Variants in PELI2 observed in about 807,000 individuals in gnomAD.
PELI2 encodes E3 ubiquitin-protein ligase pellino homolog 2.
A neutral mutation model predicts 42.3 loss-of-function variants in PELI2; 23 were observed. The ratio of observed to expected loss-of-function variants is 0.54; its 90% CI spans 0.39 to 0.77. PELI2 has a LOEUF of 0.77. Ranked by LOEUF, PELI2 falls within the 30% of genes least tolerant of loss-of-function variation. The pLI, the probability that PELI2 is intolerant of heterozygous loss-of-function variation, is 0.00. For synonymous variants in PELI2, 245 were observed against 212.2 expected (o/e 1.15, Z -1.34); for missense variants, 463 against 553.2 (o/e 0.84, Z 1.64).
chr14:56,214,205 A>G (rs1307121540), intron 2 of PELI2, among the ~76,000 whole-genome samples: 3 of 152,162 alleles, frequency 2.0e-5, no homozygotes, highest in East Asian at 1.9e-4. Context: ...ATGTCACTAC[A>G]GTATAATTCC....
intron 1 of PELI2, among the ~76,000 whole-genome samples, chr14:56,166,571 T>C (rs993796366): frequency 1.3e-5 from 2 of 152,180 alleles, no homozygotes; most frequent in East Asian, 3.8e-4. Flanking sequence ...TGATGAAATT[T>C]CTCAGCTTTT....
Position 56,118,706 on chromosome 14 carries a change from C to T in PELI2, c.46C>T (p.Pro16Ser). The change falls in exon 1 of 6, where the codon CCA (proline) becomes TCA (serine). Residue 16 changes from proline (P) to serine (S), a missense_variant. Physicochemically the swap from Pro to Ser is moderately conservative, Grantham distance 74 (BLOSUM62 -1). Around this residue, in one of 3 missense-constraint regions of PELI2, gnomAD observed 343 missense variants for 378.4 expected, o/e 0.91. Coordinates refer to ENST00000267460, the MANE Select transcript of PELI2 (RefSeq NM_021255.3). The stretch of plus-strand genomic sequence containing the variant: ...GGAACACTGCGCCCCCAATAAGGAG[C>T]CAGTGAAATACGGGGAGCTGGTGGT... ...QEEHCAPNKE[P>S]VKYGELVVLG... 6.5e-7 allele frequency: 1 copy of T among 1,529,772 alleles called. No individual in the cohort carries two copies. 94.8% of individuals were successfully genotyped at this position (1,529,772 alleles called of 1,614,324 possible).
At chr14:56,271,119 G>A (rs983873112) in intron 2 of PELI2, among the ~76,000 whole-genome samples, 6 of 152,118 alleles carry the variant, frequency 3.9e-5, no homozygotes, top group African/African-American at 7.2e-5. Flanking sequence ...GCCCATATAC[G>A]TTTGATACCC....
chr14:56,242,617 G>A (rs1421811496), intron 2 of PELI2, among the ~76,000 whole-genome samples: 1 of 152,198 alleles, frequency 6.6e-6, no homozygotes, highest in Non-Finnish European at 1.5e-5. Context: ...CCATCAGTCA[G>A]TGAGTGGATA....
intron 1 of PELI2, among the ~76,000 whole-genome samples, chr14:56,132,279 C>T (rs910861510): frequency 2.6e-5 from 4 of 152,190 alleles, no homozygotes; most frequent in African/African-American, 4.8e-5. Context: ...AAGTGTATTC[C>T]ACTTCTCAAA....
At chr14:56,268,687 C>G (rs1888993790) in intron 2 of PELI2, among the ~76,000 whole-genome samples, 1 of 152,160 alleles carries the variant, frequency 6.6e-6, no homozygotes, top group South Asian at 2.1e-4. Flanking sequence ...CATCTCTTAT[C>G]AGGTGAGTGT....
chr14:56,166,851 G>T (rs550061991), intron 1 of PELI2, among the ~76,000 whole-genome samples: 2 of 151,940 alleles, frequency 1.3e-5, no homozygotes, highest in Non-Finnish European at 2.9e-5. Context: ...GCAGTGGCAC[G>T]ATCTCAGCGC....
intron 2 of PELI2, among the ~76,000 whole-genome samples, chr14:56,233,523 A>C (rs1887665808): frequency 6.6e-6 from 1 of 152,226 alleles, no homozygotes; most frequent in East Asian, 1.9e-4. Flanking sequence ...CCTGTTTAAT[A>C]AATGGTGCTG....
At chr14:56,165,021 C>A (rs1381400993) in intron 1 of PELI2, among the ~76,000 whole-genome samples, 1 of 141,402 alleles carries the variant, frequency 7.1e-6, no homozygotes, top group African/African-American at 2.6e-5. Context: ...TGTATTGTTT[C>A]TTTCCTTTCA....
chr14:56,230,727 C>A (rs903088866), intron 2 of PELI2, among the ~76,000 whole-genome samples: 4 of 152,150 alleles, frequency 2.6e-5, no homozygotes, highest in African/African-American at 9.7e-5. Context: ...ATCACAATGA[C>A]AGGATCAAAT....
intron 1 of PELI2, among the ~76,000 whole-genome samples, chr14:56,135,453 G>T (rs1883651404): frequency 6.6e-6 from 1 of 152,204 alleles, no homozygotes; most frequent in African/African-American, 2.4e-5. Flanking sequence ...AGAAATTGCA[G>T]ATATTTTCTC....
At chr14:56,260,449 T>C (rs1888672400) in intron 2 of PELI2, among the ~76,000 whole-genome samples, 1 of 152,102 alleles carries the variant, frequency 6.6e-6, no homozygotes, top group Non-Finnish European at 1.5e-5. Context: ...AGAAACCCTA[T>C]CAATGGTTCC....
rs1348754313 is a variant in PELI2 at position 56,163,483 on chromosome 14, G to A, written c.78-14852G>A. On this transcript the variant is annotated intron_variant, in intron 1 of 5. Coordinates refer to ENST00000267460, the MANE Select transcript of PELI2 (RefSeq NM_021255.3). ...CTGTTTTGGTTATTGTACCTCTGTA[G>A]TGTAATTTTAAGTCAGGTAATGTGA... 3.3e-5 allele frequency among the ~76,000 whole-genome samples: 5 copies of A among 152,052 alleles called. No homozygotes were observed. In the East Asian group the frequency reaches 9.6e-4, roughly 29 times the overall value.
chr14:56,138,784 A>G (rs1009829042), intron 1 of PELI2, among the ~76,000 whole-genome samples: 3 of 152,208 alleles, frequency 2.0e-5, no homozygotes, highest in African/African-American at 4.8e-5. Flanking sequence ...CAGTCTAGTA[A>G]TGTCTGTCAT....
In PELI2 at chr14:56,273,954, G is replaced by C. The variant is rs1378933295; in HGVS notation, c.208-5722G>C. Among the ~76,000 whole-genome samples, 3 of 152,144 alleles carry C rather than the reference G, an allele frequency of 2.0e-5. No individual in the cohort carries two copies. Among genetic ancestry groups the C allele is most frequent in the Non-Finnish European group, 2.9e-5 (2 of 68,026 alleles). On this transcript the variant is annotated intron_variant, in intron 2 of 5. Transcript: ENST00000267460. This position sits in a 1 kb window ranked among gnomAD's most constrained non-coding sequence, Gnocchi z 4.3. ...GAGCCAACTTCTGTGAGAGTCTTTT[G>C]ACCTTCCTCTCACGTTGCAAGGTGG...
At chr14:56,168,720 T>G (rs1885059436) in intron 1 of PELI2, among the ~76,000 whole-genome samples, 2 of 151,976 alleles carry the variant, frequency 1.3e-5, no homozygotes, top group Admixed American at 1.3e-4. Context: ...TGCTTTTCCC[T>G]CTGCCTTTGT....
chr14:56,275,101 A>G (rs1889244199), intron 2 of PELI2, among the ~76,000 whole-genome samples: 1 of 152,176 alleles, frequency 6.6e-6, no homozygotes. Flanking sequence ...TTCGTTTGAC[A>G]TTCATTGAAT....
intron 1 of PELI2, among the ~76,000 whole-genome samples, chr14:56,125,818 C>G (rs1419397327): frequency 6.6e-6 from 1 of 152,136 alleles, no homozygotes; most frequent in Non-Finnish European, 1.5e-5. Context: ...GACTTCCCCC[C>G]TCCTTGGAAT....
rs1158341342 is a variant in PELI2 at position 56,299,087 on chromosome 14, G to A, written c.*1921G>A. 1 of 152,126 alleles carries A rather than the reference G, an allele frequency of 6.6e-6. No individual in the cohort carries two copies. The allele number at this position is 152,126 out of a possible 1,614,324, so 9.4% of individuals were successfully genotyped here. A position where few individuals can be genotyped will look rare whatever the true frequency, so the allele number is the denominator to read the frequency against. ...TTGGGCCCCAAAGAATGACAAAGGA[G>A]GCACTCGTTCTCTTTTCTTGCTGTA... On this transcript the variant is annotated 3_prime_UTR_variant, in exon 6 of 6. Transcript: ENST00000267460.
Sources: gnomAD v4.1 joint callset for allele counts (sites outside exome capture counted in the v4.1 genomes callset) on GRCh38, gnomAD v4.1.1 for gene constraint, gnomAD v4.1.1 regional missense constraint, Gnocchi (gnomAD v3.1) non-coding constraint, MANE v1.5 for transcripts, NCBI Gene and HGNC (gene_info 2026-07-23, HGNC 2026-07-21) for gene names.